Variants in FCRL5 observed in about 807,000 individuals in gnomAD.
FCRL5 encodes the protein Fc receptor-like protein 5.
In FCRL5, 79 loss-of-function variants were observed where a neutral mutation model predicts 92.1. The ratio of observed to expected loss-of-function variants is 0.86; its 90% confidence interval spans 0.72 to 1.03. The LOEUF (loss-of-function observed/expected upper bound fraction) is 1.03, where lower values mean the gene tolerates loss of function less well. FCRL5 is among the 50% of genes least tolerant of loss of function. FCRL5 has a pLI of 0.00. For synonymous variants in FCRL5, 466 were observed against 469.3 expected (o/e 0.99, Z 0.09); for missense variants, 1,160 against 1,181.1 (o/e 0.98, Z 0.26).
chr1:157,543,043 A>T lies in FCRL5; in HGVS notation c.939T>A (p.Asp313Glu), dbSNP rs2101638843. The change falls in exon 6 of 17, where the codon GAT (aspartate) becomes GAA (glutamate). Residue 313 changes from aspartate to glutamate, a missense_variant. Transcript: ENST00000361835. ...AAAACCTGTACAAAGTGCGCAGAGA[A>T]TCTTCCTGGGTTTCACAGTGAAGTG... is the stretch of plus-strand genomic sequence containing the variant. ...KVTLHCETQE[D>E]SLRTLYRFYH... 2.5e-6 allele frequency: 4 copies of T among 1,614,228 alleles called. No individual in the cohort carries two copies. The highest frequency in any genetic ancestry group is 3.4e-6 in the Non-Finnish European group (4 of 1,180,032).
intron 2 of FCRL5, 48 bp downstream of exon 2, chr1:157,549,512 G>A (rs762639001): frequency 3.2e-6 from 5 of 1,563,862 alleles, no homozygotes; most frequent in Admixed American, 1.8e-5. Context: ...ATTAGGAAGA[G>A]ACACTCTTAA....
intron 7 of FCRL5, among the ~76,000 whole-genome samples, chr1:157,538,598 G>A (rs1327941641): frequency 3.9e-5 from 6 of 152,198 alleles, no homozygotes; most frequent in Non-Finnish European, 7.3e-5. Flanking sequence ...CCCTAAAAAA[G>A]GCTTGAGCAA....
At chr1:157,536,751 A>G (rs1650985432) in intron 7 of FCRL5, among the ~76,000 whole-genome samples, 1 of 152,210 alleles carries the variant, frequency 6.6e-6, no homozygotes, top group African/African-American at 2.4e-5. Flanking sequence ...CTTCTCCATC[A>G]GGTCTCATCT....
At chr1:157,526,891 A>G (rs550573519) in intron 9 of FCRL5, among the ~76,000 whole-genome samples, 2 of 152,194 alleles carry the variant, frequency 1.3e-5, no homozygotes, top group African/African-American at 2.4e-5. Flanking sequence ...GAAGTAGTGT[A>G]TGTATGTGGG....
chr1:157,535,383 G>T (rs1256433939), intron 7 of FCRL5, among the ~76,000 whole-genome samples: 2 of 152,188 alleles, frequency 1.3e-5, no homozygotes, highest in Non-Finnish European at 2.9e-5. Context: ...ATTTTGGTGT[G>T]TTTAACTATC....
chr1:157,546,980 G>A lies in FCRL5; in HGVS notation c.270C>T (p.Ser90=). Residue 90 remains serine, a synonymous_variant, in exon 3 of 17, where the codon TCC becomes TCT. Transcript: ENST00000361835. ...SGEYRCQAQG[S]PLSSPVHLDF... Reference sequence around the variant, plus strand: ...CCAAGTGCACAGGGCTACTGAGAGGGGAGCCCTGGGCCTGGCATCTGTACT... The same window carrying A: ...CCAAGTGCACAGGGCTACTGAGAGGAGAGCCCTGGGCCTGGCATCTGTACT... 6.2e-7 allele frequency: 1 copy of A among 1,614,164 alleles called. No individual in the cohort carries two copies. Among genetic ancestry groups the A allele is most frequent in the Non-Finnish European group, 8.5e-7 (1 of 1,180,022 alleles).
At chr1:157,540,081 C>CT (rs1651184013) in intron 6 of FCRL5, among the ~76,000 whole-genome samples, 1 of 152,176 alleles carries the variant, frequency 6.6e-6, no homozygotes, top group African/African-American at 2.4e-5. Context: ...TTCACAGATT[C>CT]AATGTTTCAC....
rs142243479 is a variant in FCRL5 at position 157,521,248 on chromosome 1, G to A, written c.2284C>T (p.His762Tyr). 15 of 1,613,962 alleles carry A rather than the reference G, an allele frequency of 9.3e-6. No individual in the cohort carries two copies. The Admixed American group carries it at 2.3e-4, about 25-fold the overall frequency. ...PVLTLRAPGT[H>Y]AAVGDLLELH... ...TCCAGCAGGTCCCCCACCGCAGCAT[G>A]GGTCCCGGGAGCCCTGAGGGTGAGG... Residue 762 changes from histidine to tyrosine, a missense_variant, in exon 11 of 17, where the codon CAT becomes TAT. Transcript: ENST00000361835.
chr1:157,539,420 A>G (rs1317418484), intron 6 of FCRL5, 56 bp from the exon 7 acceptor site: 4 of 1,490,290 alleles, frequency 2.7e-6, no homozygotes, highest in Non-Finnish European at 3.6e-6. Context: ...TGTAGTTTTC[A>G]TAAAAGGAAA....
At chr1:157,542,750 C>T in intron 6 of FCRL5, 109 bp downstream of exon 6, 2 of 1,344,026 alleles carry the variant, frequency 1.5e-6, no homozygotes, top group Non-Finnish European at 1.0e-6. Flanking sequence ...ATTAGGTTTT[C>T]CCAAGAAAGA....
intron 9 of FCRL5, among the ~76,000 whole-genome samples, chr1:157,526,664 C>T (rs142460687): frequency 3.2e-4 from 49 of 152,140 alleles, no homozygotes; most frequent in African/African-American, 1.2e-3. Context: ...AGGAAAAGGA[C>T]AGATGAGTTA....
Position 157,547,003 on chromosome 1 carries a change from A to C in FCRL5, c.247T>G (p.Tyr83Asp). 1 of 1,613,936 alleles carries C rather than the reference A, an allele frequency of 6.2e-7. No individual in the cohort carries two copies. ...NILEVQESGE[Y>D]RCQAQGSPLS... ...GGGGAGCCCTGGGCCTGGCATCTGT[A>C]CTCTCCAGATTCCTGAACCTCAAGG... is the stretch of plus-strand genomic sequence containing the variant. Residue 83 changes from tyrosine to aspartate, a missense_variant, in exon 3 of 17, where the codon TAC (tyrosine) becomes GAC (aspartate). Coordinates refer to ENST00000361835, the MANE Select transcript of FCRL5 (RefSeq NM_031281.3).
rs780372807 is a variant in FCRL5, at chr1:157,515,701, A to G, written c.2908T>C (p.Leu970=). 6.2e-7 allele frequency: 1 copy of G among 1,614,202 alleles called. No homozygotes were observed. The highest frequency in any genetic ancestry group is 1.7e-5 in the Admixed American group (1 of 60,028). Residue 970 remains leucine (L), a synonymous_variant, in exon 17 of 17, where the codon TTG becomes CTG. Coordinates refer to ENST00000361835, the MANE Select transcript of FCRL5 (RefSeq NM_031281.3). ...CATCTGTGAGGAGCTGAGGAAGCCAAGAACAGGGATCCGGAAACCGGGGTT... is the reference window on the plus strand; with the variant it reads ...CATCTGTGAGGAGCTGAGGAAGCCAGGAACAGGGATCCGGAAACCGGGGTT... The part of the protein sequence containing the change: ...ASTPVSGSLF[L]ASSAPHR
In FCRL5 at chr1:157,544,243, A is replaced by C. The variant is rs560905066; in HGVS notation, c.844+19T>G. 3 of 1,609,990 alleles carry C rather than the reference A, an allele frequency of 1.9e-6. No individual in the cohort carries two copies. Among genetic ancestry groups the C allele is most frequent in the South Asian group, 2.2e-5 (2 of 91,032 alleles). The stretch of plus-strand genomic sequence containing the variant: ...TCCAGCCCTCTCTGCAGCAAATCTC[A>C]GGTTCCACCAACACTTACTCTGCAC... On this transcript the variant is annotated intron_variant, in intron 5 of 16. Coordinates refer to ENST00000361835, the MANE Select transcript of FCRL5 (RefSeq NM_031281.3).
chr1:157,519,229 G>A (rs1650070852), intron 13 of FCRL5, among the ~76,000 whole-genome samples: 1 of 152,172 alleles, frequency 6.6e-6, no homozygotes, highest in Non-Finnish European at 1.5e-5. Context: ...GGATAGCTGT[G>A]AGCCTTTGTG....
chr1:157,544,404 G>C lies in FCRL5; in HGVS notation c.702C>G (p.Thr234=). ...LRFRFFRDDQ[T]LGLGWSLSPN... is the part of the protein sequence containing the mutation. ...GGGAGAGACTCCAGCCTAATCCCAGGGTCTGGTCATCTCTGAAGAAGCGGA... is the reference window on the plus strand; with the variant it reads ...GGGAGAGACTCCAGCCTAATCCCAGCGTCTGGTCATCTCTGAAGAAGCGGA... Residue 234 remains threonine, a synonymous_variant, in exon 5 of 17, where the codon ACC becomes ACG. Coordinates refer to ENST00000361835, the MANE Select transcript of FCRL5 (RefSeq NM_031281.3). 1 of 1,614,186 alleles carries C rather than the reference G, an allele frequency of 6.2e-7. No homozygotes were observed. Among genetic ancestry groups the C allele is most frequent in the East Asian group, 2.2e-5 (1 of 44,868 alleles).
intron 2 of FCRL5, among the ~76,000 whole-genome samples, chr1:157,547,686 C>T (rs181943013): frequency 7.9e-4 from 121 of 152,288 alleles, no homozygotes; most frequent in Admixed American, 2.2e-3. Context: ...CCAGAAGAAT[C>T]CCATCACAGC....
At chr1:157,540,712 A>T (rs774430666) in intron 6 of FCRL5, among the ~76,000 whole-genome samples, 1 of 152,186 alleles carries the variant, frequency 6.6e-6, no homozygotes. Context: ...TTTAATCCCC[A>T]ACAATCTACT....
At position 157,547,199 on chromosome 1, in the gene FCRL5, T is replaced by C; in HGVS notation, c.53-2A>G. The C allele has an allele frequency of 6.2e-7, 1 of 1,613,484 alleles. No homozygotes were observed. On this transcript the variant is annotated splice_acceptor_variant, in intron 2 of 16. Coordinates refer to ENST00000361835, the MANE Select transcript of FCRL5 (RefSeq NM_031281.3). LOFTEE classifies it high-confidence loss of function. ...AAATAATGGGCCTGGGTGTCCTTGCTGAAGAGGAAAGAGAAAAGGAGTCTG... is the reference window on the plus strand; with the variant it reads ...AAATAATGGGCCTGGGTGTCCTTGCCGAAGAGGAAAGAGAAAAGGAGTCTG...
Sources: gnomAD v4.1 joint callset for allele counts (sites outside exome capture counted in the v4.1 genomes callset) on GRCh38, gnomAD v4.1.1 for gene constraint, MANE v1.5 for transcripts, NCBI Gene and HGNC (gene_info 2026-07-23, HGNC 2026-07-21) for gene names.